The following CERCAM variants were observed in gnomAD, a reference collection of about 807,000 sequenced individuals.
The protein encoded by CERCAM is inactive glycosyltransferase 25 family member 3.
Under a neutral mutation model 66.0 loss-of-function variants are expected in CERCAM, and 59 were observed. The ratio of observed to expected loss-of-function variants is 0.89; its 90% CI spans 0.73 to 1.11. The LOEUF is 1.11. CERCAM is among the 50% of genes most tolerant of loss of function. The pLI, the probability that CERCAM is intolerant of heterozygous loss-of-function variation, is 0.00. For synonymous variants in CERCAM, 318 were observed against 343.6 expected (o/e 0.93, Z 0.83); for missense variants, 840 against 828.3 (o/e 1.01, Z -0.17).
rs1379378936 is a variant in CERCAM at position 128,434,516 on chromosome 9, C to T, written c.1438C>T (p.Arg480Cys). 23 of 1,613,094 alleles carry T rather than the reference C, an allele frequency of 1.4e-5. No individual in the cohort carries two copies. Among genetic ancestry groups the T allele is most frequent in the Non-Finnish European group, 1.8e-5 (21 of 1,179,988 alleles). The change falls in exon 11 of 13, where the codon CGT becomes TGT. Residue 480 changes from arginine (R) to cysteine (C), a missense_variant. Arg to Cys is a radical substitution (Grantham distance 180, BLOSUM62 -3). Coordinates refer to ENST00000372838, the MANE Select transcript of CERCAM (RefSeq NM_016174.5). This position sits in a 1 kb window ranked among gnomAD's most constrained non-coding sequence, Gnocchi z 4.5. ...CTACTGGACGCTGGCCTATGCCCTGCGTCTGGCGGGTGCCCGCAAGCTGCT... is the reference window on the plus strand; with the variant it reads ...CTACTGGACGCTGGCCTATGCCCTGTGTCTGGCGGGTGCCCGCAAGCTGCT... The part of the protein sequence containing the change: ...YSYWTLAYAL[R>C]LAGARKLLAS...
chr9:128,425,213 C>T (rs1422938568), intron 5 of CERCAM, among the ~76,000 whole-genome samples: 7 of 151,726 alleles, frequency 4.6e-5, no homozygotes, highest in East Asian at 3.9e-4. Context: ...CCCACCACCA[C>T]GCCCGGCTAA....
chr9:128,421,638 A>G, intron 1 of CERCAM: 1 of 593,046 alleles, frequency 1.7e-6, no homozygotes, highest in Non-Finnish European at 2.1e-6. Flanking sequence ...CTGTCAGCCA[A>G]GGGCAGTCCC....
At chr9:128,428,641 G>T in intron 6 of CERCAM, 116 bp from the exon 7 acceptor site, 3 of 1,236,576 alleles carry the variant, frequency 2.4e-6, no homozygotes, top group Non-Finnish European at 2.4e-6. Context: ...CTGAGGTCCC[G>T]TCCTGTGGGG....
At position 128,431,155 on chromosome 9, in the gene CERCAM, C is replaced by T. The variant is rs1833965336; in HGVS notation, c.1071-16C>T. 2 of 1,612,906 alleles carry T rather than the reference C, an allele frequency of 1.2e-6. No individual in the cohort carries two copies. The highest frequency in any genetic ancestry group is 1.7e-6 in the Non-Finnish European group (2 of 1,179,818). The stretch of plus-strand genomic sequence containing the variant: ...CTGGCAGGCACCCCTCACCCCGCCA[C>T]ACCTGTGTCCCTCAGGATGCTCAAC... On this transcript the variant is annotated splice_polypyrimidine_tract_variant and intron_variant, in intron 8 of 12. Transcript: ENST00000372838.
In CERCAM at chr9:128,423,223, C is replaced by T. The variant is rs772754396; in HGVS notation, c.386C>T (p.Ala129Val). The change falls in exon 3 of 13, where the codon GCC (alanine) becomes GTC (valine). Residue 129 changes from alanine (A) to valine (V), a missense_variant. Physicochemically the swap from Ala to Val is moderately conservative, Grantham distance 64 (BLOSUM62 0). Transcript: ENST00000372838. ...TTTCTGATGGAGCTGAAGCAGGAAG[C>T]CCTCACCTTTGCCAGGAACTGGGGG... The part of the protein sequence containing the change: ...HQFLMELKQE[A>V]LTFARNWGAD... The T allele has an allele frequency of 2.2e-5, 36 of 1,613,964 alleles. No homozygotes were observed. Among genetic ancestry groups the T allele is most frequent in the Non-Finnish European group, 2.3e-5 (27 of 1,180,022 alleles).
intron 9 of CERCAM, 117 bp from the exon 10 acceptor site, chr9:128,433,985 C>A: frequency 3.6e-6 from 5 of 1,390,724 alleles, no homozygotes; most frequent in Non-Finnish European, 4.9e-6. Flanking sequence ...GGCTTTGGGG[C>A]AACTGCATGA....
chr9:128,434,131 G>C lies in CERCAM; in HGVS notation c.1233G>C (p.Leu411=), dbSNP rs1347804958. The change falls in exon 10 of 13, where the codon CTG becomes CTC. Residue 411 remains leucine, a synonymous_variant. Coordinates refer to ENST00000372838, the MANE Select transcript of CERCAM (RefSeq NM_016174.5). This position sits in a 1 kb window ranked among gnomAD's most constrained non-coding sequence, Gnocchi z 4.5. The part of the protein sequence containing the change: ...EVVARGLARV[L]VFEDDVRFES... ...TTGCCAGGGGCCTGGCCCGGGTCCT[G>C]GTGTTTGAGGATGACGTGCGCTTTG... 3 of 1,614,160 alleles carry C rather than the reference G, an allele frequency of 1.9e-6. No individual in the cohort carries two copies. Among genetic ancestry groups the C allele is most frequent in the Non-Finnish European group, 2.5e-6 (3 of 1,180,020 alleles).
In CERCAM at chr9:128,424,527, G is replaced by A. The variant is rs1833792595; in HGVS notation, c.679G>A (p.Asp227Asn). The A allele has an allele frequency of 6.2e-7, 1 of 1,614,092 alleles. No homozygotes were observed. Among genetic ancestry groups the A allele is most frequent in the East Asian group, 2.2e-5 (1 of 44,878 alleles). The stretch of plus-strand genomic sequence containing the variant: ...TGCATCCCTGCGGGCTGAAGGGGCA[G>A]ACCAGCTTGCTTTCTACCCGCCACA... ...FLASLRAEGA[D>N]QLAFYPPHPN... Residue 227 changes from aspartate (D) to asparagine (N), a missense_variant, in exon 5 of 13, where the codon GAC becomes AAC. Coordinates refer to ENST00000372838, the MANE Select transcript of CERCAM (RefSeq NM_016174.5).
chr9:128,432,949 C>T (rs555466237), intron 9 of CERCAM, among the ~76,000 whole-genome samples: 2 of 151,886 alleles, frequency 1.3e-5, no homozygotes, highest in South Asian at 4.2e-4. Context: ...GCCTGGCCAA[C>T]GTGGTGAAAC....
intron 5 of CERCAM, 98 bp downstream of exon 5, chr9:128,424,712 A>G: frequency 8.8e-7 from 1 of 1,133,652 alleles, no homozygotes; most frequent in East Asian, 2.4e-5. Context: ...TCTGCATTTC[A>G]TCCTGTTAAC....
rs1355251590 is a variant in CERCAM at position 128,430,814 on chromosome 9, G to A, written c.1071-357G>A. 1.0e-4 allele frequency: 18 copies of A among 173,586 alleles called. 1 individual carries two copies. Among genetic ancestry groups the A allele is most frequent in the Admixed American group, 6.6e-4 (11 of 16,740 alleles). 10.8% of individuals were successfully genotyped at this position (173,586 alleles called of 1,614,324 possible). A position where few individuals can be genotyped will look rare whatever the true frequency, so the allele number is the denominator to read the frequency against. On this transcript the variant is annotated intron_variant, in intron 8 of 12. Coordinates refer to ENST00000372838, the MANE Select transcript of CERCAM (RefSeq NM_016174.5). ...GTGGATCACCTGAGGTCAGGAGTTC[G>A]AGACCAGCCTGGCCAACATGGTGAA...
chr9:128,428,445 C>T, intron 6 of CERCAM, 24 bp downstream of exon 6: 4 of 1,612,850 alleles, frequency 2.5e-6, no homozygotes, highest in Non-Finnish European at 3.4e-6. Flanking sequence ...AACTGTTCCA[C>T]CCACCTGCTG....
intron 3 of CERCAM, 114 bp from the exon 4 acceptor site, chr9:128,424,024 C>A: frequency 8.5e-7 from 1 of 1,182,606 alleles, no homozygotes; most frequent in Non-Finnish European, 1.2e-6. Context: ...TCTGTAAGAG[C>A]ATTCCCACTG....
chr9:128,422,970 C>A lies in CERCAM; in HGVS notation c.300C>A (p.Gly100=), dbSNP rs766189993. The change falls in exon 2 of 13, where the codon GGC becomes GGA. Residue 100 remains glycine (G), a synonymous_variant. Transcript: ENST00000372838. The part of the protein sequence containing the change: ...DYAAVVWRPE[G]EPRFYPDEEG... The stretch of plus-strand genomic sequence containing the variant: ...CTGCTGTGGTCTGGAGGCCTGAGGG[C>A]GAGCCCAGGTGGTGATCTGAGGGGA... 1 of 1,613,540 alleles carries A rather than the reference C, an allele frequency of 6.2e-7. No individual in the cohort carries two copies. The highest frequency in any genetic ancestry group is 8.5e-7 in the Non-Finnish European group (1 of 1,179,966).
In CERCAM at chr9:128,424,408, A is replaced by G. The variant is rs752023637; in HGVS notation, c.562-2A>G. ...ACAGCCCAAAGCATCCCTTTTCCCC[A>G]GGGCTACTACCGCCGCACAGCCGAG... is the stretch of plus-strand genomic sequence containing the variant. On this transcript the variant is annotated splice_acceptor_variant, in intron 4 of 12. Transcript: ENST00000372838. LOFTEE classifies it high-confidence loss of function. The G allele has an allele frequency of 7.4e-6, 12 of 1,613,828 alleles. No individual in the cohort carries two copies. The East Asian group carries it at 2.0e-4, about 27-fold the overall frequency.
chr9:128,436,078 C>T (rs1242064649), intron 12 of CERCAM, among the ~76,000 whole-genome samples, 173 bp downstream of exon 12: 4 of 152,070 alleles, frequency 2.6e-5, no homozygotes, highest in Non-Finnish European at 5.9e-5. Flanking sequence ...TTTTTTTAGA[C>T]GGAGTCTCGC....
rs201335019 is a variant in CERCAM, at chr9:128,424,404, C to T, written c.562-6C>T. 3.7e-5 allele frequency: 60 copies of T among 1,613,930 alleles called. No individual in the cohort carries two copies. The highest frequency in any genetic ancestry group is 4.7e-5 in the Non-Finnish European group (55 of 1,180,000). ...TCTCACAGCCCAAAGCATCCCTTTT[C>T]CCCAGGGCTACTACCGCCGCACAGC... On this transcript the variant is annotated splice_region_variant and splice_polypyrimidine_tract_variant and intron_variant, in intron 4 of 12. Transcript: ENST00000372838.
In CERCAM at chr9:128,434,534, A is replaced by G. The variant is rs1239684924; in HGVS notation, c.1456A>G (p.Lys486Glu). The G allele has an allele frequency of 5.0e-6, 8 of 1,612,558 alleles. No homozygotes were observed. Residue 486 changes from lysine (K) to glutamate (E), a missense_variant, in exon 11 of 13, where the codon AAG (lysine) becomes GAG (glutamate). Physicochemically the swap from Lys to Glu is moderately conservative, Grantham distance 56. Transcript: ENST00000372838. This position sits in a 1 kb window ranked among gnomAD's most constrained non-coding sequence, Gnocchi z 4.5. Reference sequence around the variant, plus strand: ...TGCCCTGCGTCTGGCGGGTGCCCGCAAGCTGCTGGCCTCACAGCCTCTGCG... The same window carrying G: ...TGCCCTGCGTCTGGCGGGTGCCCGCGAGCTGCTGGCCTCACAGCCTCTGCG... ...AYALRLAGARKLLASQPLRRM... is the reference protein window; with the variant it reads ...AYALRLAGARELLASQPLRRM...
At chr9:128,421,171 A>G in intron 1 of CERCAM, 97 bp downstream of exon 1, 1 of 1,254,366 alleles carries the variant, frequency 8.0e-7, no homozygotes. Context: ...CTCCCTGCCC[A>G]GACACCACCT....
Sources: allele counts gnomAD v4.1 joint callset (sites outside exome capture counted in the v4.1 genomes callset), GRCh38; gene constraint gnomAD v4.1.1; non-coding constraint Gnocchi (gnomAD v3.1); transcripts MANE v1.5; gene names NCBI Gene and HGNC (gene_info 2026-07-23, HGNC 2026-07-21).